ALK: variants seen among roughly 807,000 people sequenced by gnomAD.
ALK encodes the protein ALK receptor tyrosine kinase.
A neutral mutation model predicts 163.1 loss-of-function variants in ALK; 74 were observed. The observed-to-expected ratio is 0.45, with a 90% CI of 0.38 to 0.55. The LOEUF is 0.55. Among genes scored for constraint, ALK ranks in the 20% least tolerant of loss-of-function variants. The probability of loss-of-function intolerance (pLI) is 0.00; values close to 1 mark genes in which losing one functional copy is unlikely to be tolerated. For synonymous variants in ALK, 960 were observed against 843.2 expected, an observed-to-expected ratio of 1.14 and a Z score of -2.40; for missense variants, 2,063 against 2,105.3, an observed-to-expected ratio of 0.98 and a Z score of 0.39.
chr2:29,856,357 T>C (rs1666137170), intron 1 of ALK, among the ~76,000 whole-genome samples: 1 of 152,206 alleles, frequency 6.6e-6, no homozygotes, highest in Non-Finnish European at 1.5e-5. Flanking sequence ...CAGCACAAAG[T>C]AAGTGTTCAG....
intron 4 of ALK, among the ~76,000 whole-genome samples, chr2:29,384,414 G>T (rs1010727800): frequency 6.6e-6 from 1 of 152,276 alleles, no homozygotes; most frequent in South Asian, 2.1e-4. Flanking sequence ...TGGGGTAAAA[G>T]GTACCTAAGA....
At position 29,904,068 on chromosome 2, in the gene ALK, G is replaced by A. The variant is rs559602617; in HGVS notation, c.667+15925C>T. On this transcript the variant is annotated intron_variant, in intron 1 of 28. Coordinates refer to ENST00000389048, the MANE Select transcript of ALK (RefSeq NM_004304.5). Reference sequence around the variant, plus strand: ...ATGAAAACCTAATCTCACAACTCCTGGTCGAGAACTCTCTTCCCTCTTTCC... The same window carrying A: ...ATGAAAACCTAATCTCACAACTCCTAGTCGAGAACTCTCTTCCCTCTTTCC... Among the ~76,000 whole-genome samples, 7 of 152,160 alleles carry A rather than the reference G, an allele frequency of 4.6e-5. No homozygotes were observed. In the South Asian group the frequency reaches 1.5e-3, roughly 32 times the overall value.
At position 29,294,028 on chromosome 2, in the gene ALK, G is replaced by A. The variant is rs569036801; in HGVS notation, c.1817+2860C>T. ...TCAGGGTTGGGGAGCTGTCCACAAAGTAGGTGCTGAATAGCTGAAGCCAGG... is the reference window on the plus strand; with the variant it reads ...TCAGGGTTGGGGAGCTGTCCACAAAATAGGTGCTGAATAGCTGAAGCCAGG... On this transcript the variant is annotated intron_variant, in intron 9 of 28. Coordinates refer to ENST00000389048, the MANE Select transcript of ALK (RefSeq NM_004304.5). 1.3e-4 allele frequency among the ~76,000 whole-genome samples: 20 copies of A among 152,316 alleles called. No individual in the cohort carries two copies. The South Asian group carries it at 2.1e-3, about 16-fold the overall frequency.
chr2:29,892,742 C>G (rs1251044702), intron 1 of ALK, among the ~76,000 whole-genome samples: 1 of 152,204 alleles, frequency 6.6e-6, no homozygotes, highest in Non-Finnish European at 1.5e-5. Context: ...ACTGACTCTA[C>G]GCACATTAAT....
intron 2 of ALK, among the ~76,000 whole-genome samples, chr2:29,712,617 ATTT>A (rs370966988): frequency 6.8e-6 from 1 of 147,648 alleles, no homozygotes; most frequent in African/African-American, 2.5e-5. Context: ...TGTTAGGCTG[ATTT>A]TTTTTTTTTG....
intron 4 of ALK, among the ~76,000 whole-genome samples, chr2:29,444,633 T>C (rs1010599870): frequency 6.6e-6 from 1 of 152,248 alleles, no homozygotes; most frequent in Admixed American, 6.5e-5. Flanking sequence ...GAGATAAATA[T>C]ATTAATAGCA....
intron 26 of ALK, 152 bp from the exon 27 acceptor site, chr2:29,197,828 T>G: frequency 1.4e-6 from 1 of 722,598 alleles, no homozygotes; most frequent in East Asian, 2.7e-5. Flanking sequence ...TAGAAAAATT[T>G]AAAAAATAAG....
intron 12 of ALK, among the ~76,000 whole-genome samples, chr2:29,244,014 T>A (rs1395802461): frequency 6.6e-6 from 1 of 152,230 alleles, no homozygotes; most frequent in Non-Finnish European, 1.5e-5. Flanking sequence ...GAATCTTTTT[T>A]AAATAAAGAA....
intron 28 of ALK, among the ~76,000 whole-genome samples, chr2:29,194,663 C>T (rs1174052417): frequency 1.6e-5 from 2 of 124,312 alleles, no homozygotes; most frequent in African/African-American, 5.9e-5. Flanking sequence ...CACCCCCCCA[C>T]CCCCCCACCC....
intron 4 of ALK, among the ~76,000 whole-genome samples, chr2:29,521,857 G>A (rs1672821912): frequency 6.6e-6 from 1 of 152,214 alleles, no homozygotes; most frequent in Non-Finnish European, 1.5e-5. Flanking sequence ...TTGGAATGGA[G>A]CTTCAGAAGA....
At chr2:29,692,378 T>C (rs1678424315) in intron 3 of ALK, among the ~76,000 whole-genome samples, 1 of 152,222 alleles carries the variant, frequency 6.6e-6, no homozygotes, top group South Asian at 2.1e-4. Flanking sequence ...AGTTACATGC[T>C]CTAGAGCAAT....
chr2:29,242,848 A>G (rs1022304866), intron 12 of ALK, among the ~76,000 whole-genome samples: 5 of 152,256 alleles, frequency 3.3e-5, no homozygotes, highest in Non-Finnish European at 7.3e-5. Flanking sequence ...GAGCTTGGCA[A>G]GCAGGTTTCT....
intron 3 of ALK, among the ~76,000 whole-genome samples, chr2:29,654,481 A>T (rs1677123002): frequency 6.6e-6 from 1 of 152,164 alleles, no homozygotes; most frequent in African/African-American, 2.4e-5. Context: ...TGATGGAAAG[A>T]ATCCATGAAA....
chr2:29,289,272 A>G (rs1355680614), intron 9 of ALK, among the ~76,000 whole-genome samples: 2 of 152,186 alleles, frequency 1.3e-5, no homozygotes, highest in African/African-American at 4.8e-5. Flanking sequence ...TCAGCCTTGC[A>G]GGCTGCTGAT....
intron 4 of ALK, among the ~76,000 whole-genome samples, chr2:29,530,967 G>A: frequency 6.6e-6 from 1 of 152,178 alleles, no homozygotes; most frequent in Non-Finnish European, 1.5e-5. Flanking sequence ...CTGGGAGTGG[G>A]GAGAAGACTT....
chr2:29,580,163 A>G (rs1042600705), intron 3 of ALK, among the ~76,000 whole-genome samples: 1 of 152,022 alleles, frequency 6.6e-6, no homozygotes, highest in Non-Finnish European at 1.5e-5. Context: ...AAGCCACAGG[A>G]AAAAAAATCC....
At chr2:29,309,026 C>A (rs771677482) in intron 8 of ALK, among the ~76,000 whole-genome samples, 1 of 152,072 alleles carries the variant, frequency 6.6e-6, no homozygotes, top group Non-Finnish European at 1.5e-5. Context: ...GGGCAAACGG[C>A]CTCCTCTGTG....
chr2:29,194,882 C>T (rs1410192152), intron 28 of ALK, among the ~76,000 whole-genome samples: 2 of 152,136 alleles, frequency 1.3e-5, no homozygotes, highest in Non-Finnish European at 2.9e-5. Context: ...TTTACAAAAA[C>T]AACTGTGTGC....
intron 5 of ALK, among the ~76,000 whole-genome samples, chr2:29,345,954 A>T (rs999448481): frequency 2.6e-5 from 4 of 152,358 alleles, no homozygotes; most frequent in African/African-American, 9.6e-5. Context: ...CAAATTGTTA[A>T]CCATAGTTAT....
Sources: gnomAD v4.1 joint callset for allele counts (sites outside exome capture counted in the v4.1 genomes callset) on GRCh38, gnomAD v4.1.1 for gene constraint, MANE v1.5 for transcripts, NCBI Gene and HGNC (gene_info 2026-07-23, HGNC 2026-07-21) for gene names.